RPH3AL: variants seen among roughly 807,000 people sequenced by gnomAD.
The protein encoded by RPH3AL is rab effector Noc2.
In RPH3AL, 38 loss-of-function variants were observed where a neutral mutation model predicts 43.1. The observed-to-expected ratio is 0.88, with a 90% confidence interval of 0.68 to 1.15. RPH3AL has a LOEUF of 1.15. Ranked by LOEUF, RPH3AL falls within the 50% of genes most tolerant of loss-of-function variation. The pLI is 0.00. For missense variants in RPH3AL, 462 were observed against 423.2 expected (o/e 1.09, Z -0.81); for synonymous variants, 189 against 176.3 (o/e 1.07, Z -0.57).
intron 6 of RPH3AL, among the ~76,000 whole-genome samples, chr17:252,360 A>G (rs562318430): frequency 6.6e-6 from 1 of 152,284 alleles, no homozygotes; most frequent in South Asian, 2.1e-4. Context: ...TAGGCCACCT[A>G]TAACATCACT....
intron 7 of RPH3AL, among the ~76,000 whole-genome samples, chr17:222,928 G>A (rs887270020): frequency 5.3e-5 from 8 of 152,178 alleles, no homozygotes; most frequent in African/African-American, 9.6e-5. Context: ...GGTGGCTCAC[G>A]CCTGTAATCC....
intron 6 of RPH3AL, among the ~76,000 whole-genome samples, chr17:249,933 G>T (rs988951457): frequency 7.0e-6 from 1 of 142,828 alleles, no homozygotes; most frequent in Non-Finnish European, 1.5e-5. Context: ...AAGCTCCGTC[G>T]CTGCGGGACC....
intron 8 of RPH3AL, 35 bp downstream of exon 8, chr17:219,588 C>A: frequency 7.9e-7 from 1 of 1,264,720 alleles, no homozygotes. Context: ...TGCACCGTGC[C>A]CGGCCAATAA....
At chr17:235,532 A>G (rs111510682) in intron 7 of RPH3AL, among the ~76,000 whole-genome samples, 982 of 62,050 alleles carry the variant, frequency 0.016, 32 homozygotes, top group Middle Eastern at 0.044. Flanking sequence ...CGGAGGCTCC[A>G]CACTAACAAG....
In RPH3AL at chr17:300,030, A is replaced by G. The variant is rs112526002; in HGVS notation, c.352-18176T>C. On this transcript the variant is annotated intron_variant, in intron 5 of 9. Transcript: ENST00000331302. ...CCTAGGCCTGCAGAATCTCCCACCC[A>G]CTCTAGAAGGGGCTGGCCCAGCCTA... is the stretch of plus-strand genomic sequence containing the variant. 1.8e-3 allele frequency among the ~76,000 whole-genome samples: 120 copies of G among 67,472 alleles called. 1 individual carries two copies. Among genetic ancestry groups the G allele is most frequent in the African/African-American group, 5.6e-3 (99 of 17,684 alleles). The allele number at this position is 67,472 out of a possible 152,430, so 44.3% of individuals were successfully genotyped here. A position where few individuals can be genotyped will look rare whatever the true frequency, so the allele number is the denominator to read the frequency against.
At chr17:317,332 T>C (rs2044299568) in intron 5 of RPH3AL, among the ~76,000 whole-genome samples, 1 of 142,578 alleles carries the variant, frequency 7.0e-6, no homozygotes, top group African/African-American at 2.8e-5. Flanking sequence ...GTGCCCCACC[T>C]CCATTGACCT....
intron 6 of RPH3AL, among the ~76,000 whole-genome samples, chr17:262,597 G>A (rs1426872824): frequency 2.0e-5 from 3 of 152,166 alleles, no homozygotes; most frequent in Non-Finnish European, 1.5e-5. Flanking sequence ...GGCCGAGGTG[G>A]GAGGATCGCT....
At chr17:247,868 A>G (rs1555540842) in intron 6 of RPH3AL, among the ~76,000 whole-genome samples, 1 of 152,178 alleles carries the variant, frequency 6.6e-6, no homozygotes, top group Admixed American at 6.5e-5. Flanking sequence ...GCCACCAGGC[A>G]CTGCTGAGTT....
intron 1 of RPH3AL, among the ~76,000 whole-genome samples, chr17:350,077 G>A (rs533597734): frequency 2.0e-5 from 3 of 152,222 alleles, no homozygotes; most frequent in Admixed American, 6.5e-5. Context: ...GCTAACCAGC[G>A]GTTTAATTTG....
chr17:270,732 T>C (rs1055657839), intron 6 of RPH3AL, among the ~76,000 whole-genome samples: 9 of 152,228 alleles, frequency 5.9e-5, no homozygotes, highest in African/African-American at 2.2e-4. Context: ...GGTTGCCTGT[T>C]CACTTTGATC....
At chr17:262,542 C>A (rs1052267718) in intron 6 of RPH3AL, among the ~76,000 whole-genome samples, 2 of 151,836 alleles carry the variant, frequency 1.3e-5, no homozygotes, top group African/African-American at 4.8e-5. Context: ...ATGTAAATCC[C>A]AGCCAGGTGC....
Position 346,455 on chromosome 17 carries a change from C to T in RPH3AL, c.-213+6257G>A, listed in dbSNP as rs1021654440. ...AGGAGCAAGTCACGTCTTACATAAA[C>T]GGCAGCAGGCAAAGAGAGAGCTTGT... is the stretch of plus-strand genomic sequence containing the variant. On this transcript the variant is annotated intron_variant, in intron 1 of 9. Coordinates refer to ENST00000331302, the MANE Select transcript of RPH3AL (RefSeq NM_006987.4). Among the ~76,000 whole-genome samples, 16 of 134,886 alleles carry T rather than the reference C, an allele frequency of 1.2e-4. 4 individuals carry two copies. Among genetic ancestry groups the T allele is most frequent in the African/African-American group, 3.3e-4 (13 of 39,238 alleles). The allele number at this position is 134,886 out of a possible 152,430, so 88.5% of individuals were successfully genotyped here.
Position 296,614 on chromosome 17 carries a change from G to A in RPH3AL, c.352-14760C>T, listed in dbSNP as rs182498764. Among the ~76,000 whole-genome samples the A allele has an allele frequency of 1.7e-4, 26 of 152,308 alleles. No homozygotes were observed. The East Asian group carries it at 2.3e-3, about 14-fold the overall frequency. ...AGTCCCTCACGAGCTCGTTTCCGCC[G>A]ATGGCTCGCCATGGCCACCACCGGT... On this transcript the variant is annotated intron_variant, in intron 5 of 9. Transcript: ENST00000331302.
At chr17:306,999 C>A (rs1417514930) in intron 5 of RPH3AL, among the ~76,000 whole-genome samples, 1 of 152,176 alleles carries the variant, frequency 6.6e-6, no homozygotes, top group Non-Finnish European at 1.5e-5. Flanking sequence ...ACCCACCCTC[C>A]AGGCCCGGCT....
intron 5 of RPH3AL, chr17:306,528 AG>A (rs2043492635): frequency 6.6e-6 from 1 of 152,134 alleles, no homozygotes; most frequent in African/African-American, 2.4e-5. Context: ...CACCGCTGGC[AG>A]CTTTATCGTG....
At chr17:229,934 G>A (rs2041192960) in intron 7 of RPH3AL, among the ~76,000 whole-genome samples, 1 of 152,166 alleles carries the variant, frequency 6.6e-6, no homozygotes, top group African/African-American at 2.4e-5. Context: ...CCTCCCTCAG[G>A]GACCCTGGAG....
At position 212,408 on chromosome 17, in the gene RPH3AL, G is replaced by C. The variant is rs1192561002; in HGVS notation, c.*1444C>G. ...TGCGGCTTAGGAAGGGTTCCAGCAA[G>C]TCAACGCACCACAGTTTTTTCCATT... On this transcript the variant is annotated 3_prime_UTR_variant, in exon 10 of 10. Coordinates refer to ENST00000331302, the MANE Select transcript of RPH3AL (RefSeq NM_006987.4). 1 of 152,182 alleles carries C rather than the reference G, an allele frequency of 6.6e-6. No individual in the cohort carries two copies. The highest frequency in any genetic ancestry group is 1.5e-5 in the Non-Finnish European group (1 of 68,044). 9.4% of individuals were successfully genotyped at this position (152,182 alleles called of 1,614,324 possible).
chr17:282,634 G>C (rs940860142), intron 5 of RPH3AL, among the ~76,000 whole-genome samples: 1 of 152,232 alleles, frequency 6.6e-6, no homozygotes, highest in Admixed American at 6.5e-5. Context: ...AATTACTGTT[G>C]CTTAAAAACA....
At chr17:293,755 G>A (rs1392425308) in intron 5 of RPH3AL, among the ~76,000 whole-genome samples, 1 of 151,986 alleles carries the variant, frequency 6.6e-6, no homozygotes, top group Non-Finnish European at 1.5e-5. Context: ...CTGGTCGGGC[G>A]CGGTGGCTCA....
Sources: gnomAD v4.1 joint callset for allele counts (sites outside exome capture counted in the v4.1 genomes callset) on GRCh38, gnomAD v4.1.1 for gene constraint, MANE v1.5 for transcripts, NCBI Gene and HGNC (gene_info 2026-07-23, HGNC 2026-07-21) for gene names.